Variants in DYNC2H1 observed in about 807,000 individuals in gnomAD.
The protein encoded by DYNC2H1 is dynein cytoplasmic 2 heavy chain 1.
A neutral mutation model predicts 570.0 loss-of-function variants in DYNC2H1; 410 were observed. The observed-to-expected ratio is 0.72, with a 90% confidence interval of 0.66 to 0.78. The LOEUF is 0.78. DYNC2H1 is among the 30% of genes least tolerant of loss of function. DYNC2H1 has a pLI of 0.00. For missense variants in DYNC2H1, 4,865 were observed against 5,046.4 expected (o/e 0.96, Z 1.09); for synonymous variants, 1,688 against 1,677.6 (o/e 1.01, Z -0.15).
At chr11:103,348,889 T>G (rs769470554) in intron 82 of DYNC2H1, among the ~76,000 whole-genome samples, 17 of 152,112 alleles carry the variant, frequency 1.1e-4, no homozygotes, top group Non-Finnish European at 1.8e-4. Flanking sequence ...TCACGAGATC[T>G]GATGGTTTTA....
chr11:103,214,359 G>A (rs1415645513), intron 54 of DYNC2H1, among the ~76,000 whole-genome samples: 4 of 151,604 alleles, frequency 2.6e-5, no homozygotes, highest in Non-Finnish European at 4.4e-5. Flanking sequence ...TGTGAAGAAT[G>A]TAATTAGTAT....
chr11:103,256,304 G>A lies in DYNC2H1; in HGVS notation c.10461+64G>A, dbSNP rs1865054788. ...CTTGAACATTTAGGTTAATATGATAGAAAATGTAGAATCAGGTCCTCAGGG... is the reference window on the plus strand; with the variant it reads ...CTTGAACATTTAGGTTAATATGATAAAAAATGTAGAATCAGGTCCTCAGGG... On this transcript the variant is annotated intron_variant, in intron 68 of 88. Coordinates refer to ENST00000375735, the MANE Select transcript of DYNC2H1 (RefSeq NM_001377.3). The surrounding 1 kb of genome is among the most constrained non-coding windows in gnomAD (Gnocchi z 4.0). 12 of 1,459,276 alleles carry A rather than the reference G, an allele frequency of 8.2e-6. No individual in the cohort carries two copies. Among genetic ancestry groups the A allele is most frequent in the Admixed American group, 2.5e-5 (1 of 40,344 alleles). The allele number at this position is 1,459,276 out of a possible 1,614,324, so 90.4% of individuals were successfully genotyped here.
intron 45 of DYNC2H1, among the ~76,000 whole-genome samples, chr11:103,191,019 T>C (rs1310567800): frequency 1.5e-5 from 2 of 134,888 alleles, no homozygotes; most frequent in African/African-American, 5.4e-5. Flanking sequence ...AATATATGTA[T>C]ATATATATAT....
At chr11:103,371,180 TTCAAGCCTTTTGATAACAGAATTCA>T (rs905461663) in intron 83 of DYNC2H1, among the ~76,000 whole-genome samples, 4 of 152,042 alleles carry the variant, frequency 2.6e-5, no homozygotes, top group African/African-American at 9.7e-5. Flanking sequence ...GAAGAATGCA[TTCAAGCCTTTTGATAACAGAATTCA>T]TCAAGCAGAA....
intron 28 of DYNC2H1, among the ~76,000 whole-genome samples, chr11:103,159,463 C>T (rs1190836591): frequency 6.6e-6 from 1 of 152,036 alleles, no homozygotes; most frequent in Non-Finnish European, 1.5e-5. Flanking sequence ...GGAGATACTC[C>T]ATAGGCAGTT....
At chr11:103,388,219 A>G (rs1413597678) in intron 83 of DYNC2H1, among the ~76,000 whole-genome samples, 1 of 81,002 alleles carries the variant, frequency 1.2e-5, no homozygotes, top group East Asian at 4.0e-4. Flanking sequence ...GGTCCTTCAC[A>G]TCCCTTGTAA....
At chr11:103,349,630 T>A (rs936107604) in intron 82 of DYNC2H1, among the ~76,000 whole-genome samples, 1 of 152,198 alleles carries the variant, frequency 6.6e-6, no homozygotes. Context: ...ATTTGAAAAC[T>A]GATAGATTCA....
In DYNC2H1 at chr11:103,305,474, A is replaced by G. The variant is rs1300370619; in HGVS notation, c.11382+754A>G. Among the ~76,000 whole-genome samples, 2 of 152,300 alleles carry G rather than the reference A, an allele frequency of 1.3e-5. No homozygotes were observed. The highest frequency in any genetic ancestry group is 2.1e-4 in the South Asian group (1 of 4,826). ...TAGATGACTAGGAAAGAGCTAGGTTATGGAATACCCTGAGAACCATGCAGA... is the reference window on the plus strand; with the variant it reads ...TAGATGACTAGGAAAGAGCTAGGTTGTGGAATACCCTGAGAACCATGCAGA... On this transcript the variant is annotated intron_variant, in intron 77 of 88. Coordinates refer to ENST00000375735, the MANE Select transcript of DYNC2H1 (RefSeq NM_001377.3). This position sits in a 1 kb window ranked among gnomAD's most constrained non-coding sequence, Gnocchi z 4.3.
In DYNC2H1 at chr11:103,295,402, C is replaced by T. The variant is rs72975605; in HGVS notation, c.11096-7691C>T. On this transcript the variant is annotated intron_variant, in intron 75 of 88. Coordinates refer to ENST00000375735, the MANE Select transcript of DYNC2H1 (RefSeq NM_001377.3). ...CACAGCCCAGACCCAGGAAAAGCCT[C>T]GATAAACAACTATCTGCGAAGCTAG... Among the ~76,000 whole-genome samples, 273 of 152,340 alleles carry T rather than the reference C, an allele frequency of 1.8e-3. 1 individual carries two copies. Among genetic ancestry groups the T allele is most frequent in the Non-Finnish European group, 2.4e-3 (164 of 68,030 alleles).
chr11:103,161,844 C>T (rs1469555610), intron 29 of DYNC2H1, among the ~76,000 whole-genome samples: 5 of 152,156 alleles, frequency 3.3e-5, no homozygotes, highest in Admixed American at 2.6e-4. Flanking sequence ...AACTAACTAG[C>T]AATAGATTGC....
In DYNC2H1 at chr11:103,268,495, G is replaced by A. The variant is rs1224846157; in HGVS notation, c.10695+8518G>A. Among the ~76,000 whole-genome samples the A allele has an allele frequency of 6.6e-6, 1 of 151,836 alleles. No individual in the cohort carries two copies. Among genetic ancestry groups the A allele is most frequent in the Non-Finnish European group, 1.5e-5 (1 of 67,840 alleles). On this transcript the variant is annotated intron_variant, in intron 70 of 88. Transcript: ENST00000375735. This position sits in a 1 kb window ranked among gnomAD's most constrained non-coding sequence, Gnocchi z 4.6. ...CTTCTAGGTTGTTAGATTTGTATGA[G>A]TAGTTTTTTTAAATGTAGTTTTAAT...
At chr11:103,293,207 CT>C (rs144938247) in intron 75 of DYNC2H1, among the ~76,000 whole-genome samples, 25,063 of 151,754 alleles carry the variant, frequency 0.17, 2,250 homozygotes, top group Admixed American at 0.25. Flanking sequence ...AAGTTGGAAG[CT>C]TTTTTTTGCC....
chr11:103,138,674 CT>C (rs946869365), intron 17 of DYNC2H1, among the ~76,000 whole-genome samples: 1 of 152,136 alleles, frequency 6.6e-6, no homozygotes, highest in African/African-American at 2.4e-5. Context: ...CTGAAATTCT[CT>C]TTTTTGGTTG....
chr11:103,303,040 T>G, intron 75 of DYNC2H1, 53 bp from the exon 76 acceptor site: 1 of 1,286,738 alleles, frequency 7.8e-7, no homozygotes, highest in East Asian at 2.7e-5. Flanking sequence ...TTTAATAAAC[T>G]TTTTAATAAT....
At chr11:103,339,677 G>A (rs1244073055) in intron 82 of DYNC2H1, among the ~76,000 whole-genome samples, 4 of 152,176 alleles carry the variant, frequency 2.6e-5, no homozygotes, top group Non-Finnish European at 2.9e-5. Context: ...TGAAGCCAGT[G>A]TCGTGCTGGA....
At chr11:103,322,124 A>G (rs1938239440) in intron 81 of DYNC2H1, among the ~76,000 whole-genome samples, 1 of 152,128 alleles carries the variant, frequency 6.6e-6, no homozygotes, top group Non-Finnish European at 1.5e-5. Flanking sequence ...TTACTCATTC[A>G]TTCAATAATA....
rs771306180 is a variant in DYNC2H1 at position 103,120,463 on chromosome 11, C to T, written c.1016C>T (p.Thr339Ile). The change falls in exon 7 of 89, where the codon ACA becomes ATA. Residue 339 changes from threonine to isoleucine, a missense_variant. By Grantham distance (89) the Thr-to-Ile change is moderately conservative (BLOSUM62 -1). Around this residue, in one of 5 missense-constraint regions of DYNC2H1, gnomAD observed 1,936 missense variants for 1,962.1 expected, o/e 0.99. Coordinates refer to ENST00000375735, the MANE Select transcript of DYNC2H1 (RefSeq NM_001377.3). ...KRLEEVLAIR[T>I]IHEKFLYFLP... The stretch of plus-strand genomic sequence containing the variant: ...TCATTTTAGGTCTTGGCTATTAGAA[C>T]AATTCATGAGAAGTTTCTCTATTTT... The T allele has an allele frequency of 1.2e-6, 2 of 1,610,298 alleles. No individual in the cohort carries two copies. Among genetic ancestry groups the T allele is most frequent in the Admixed American group, 3.4e-5 (2 of 59,644 alleles).
Position 103,241,620 on chromosome 11 carries a change from T to C in DYNC2H1, c.9820-2073T>C. On this transcript the variant is annotated intron_variant, in intron 63 of 88. Transcript: ENST00000375735. The surrounding 1 kb of genome is among the most constrained non-coding windows in gnomAD (Gnocchi z 5.1). ...AAATGCAGAATTGTGAAATGTGTGC[T>C]ATTGAATGCTAGCATAAAATTAGAT... 2.4e-6 allele frequency: 3 copies of C among 1,266,950 alleles called. No individual in the cohort carries two copies. The highest frequency in any genetic ancestry group is 3.3e-6 in the Non-Finnish European group (3 of 904,054). The allele number at this position is 1,266,950 out of a possible 1,614,324, so 78.5% of individuals were successfully genotyped here.
Position 103,220,685 on chromosome 11 carries a change from T to C in DYNC2H1, c.9009T>C (p.Ile3003=). 6.2e-7 allele frequency: 1 copy of C among 1,612,702 alleles called. No individual in the cohort carries two copies. Among genetic ancestry groups the C allele is most frequent in the Non-Finnish European group, 8.5e-7 (1 of 1,179,102 alleles). Residue 3003 remains isoleucine (I), a synonymous_variant, in exon 57 of 89, where the codon ATT becomes ATC. Coordinates refer to ENST00000375735, the MANE Select transcript of DYNC2H1 (RefSeq NM_001377.3). ...GNIKPESLSE[I]RSLRMPPDVI... ...TTAAGCCCGAATCACTTTCAGAAAT[T>C]CGCTCACTACGCATGCCACCTGATG...
Sources: gnomAD v4.1 joint callset for allele counts (sites outside exome capture counted in the v4.1 genomes callset) on GRCh38, gnomAD v4.1.1 for gene constraint, gnomAD v4.1.1 regional missense constraint, Gnocchi (gnomAD v3.1) non-coding constraint, MANE v1.5 for transcripts, NCBI Gene and HGNC (gene_info 2026-07-23, HGNC 2026-07-21) for gene names.